Variants in NRTN observed in about 807,000 individuals in gnomAD.
NRTN encodes neurturin.
In NRTN, 3 loss-of-function variants were observed where a neutral mutation model predicts 7.5. The ratio of observed to expected loss-of-function variants is 0.40; its 90% CI spans 0.18 to 1.03. The LOEUF is 1.03. NRTN is among the 50% of genes least tolerant of loss of function. NRTN has a pLI of 0.34. For synonymous variants in NRTN, 157 were observed against 146.6 expected (o/e 1.07, Z -0.51); for missense variants, 310 against 307.0 (o/e 1.01, Z -0.07).
chr19:5,817,360 A>T (rs1457942588), intron 1 of NRTN, among the ~76,000 whole-genome samples: 1 of 148,412 alleles, frequency 6.7e-6, no homozygotes, highest in Non-Finnish European at 1.5e-5. Flanking sequence ...TCAAAGAAAG[A>T]GAGAGAGAGG....
chr19:5,815,522 C>A (rs113321396), intron 1 of NRTN, among the ~76,000 whole-genome samples: 6,820 of 150,030 alleles, frequency 0.045, 524 homozygotes, highest in African/African-American at 0.16. Context: ...ACCTCCACCC[C>A]TTGGGTTCAA....
chr19:5,812,495 CT>C (rs565406712), intron 1 of NRTN, among the ~76,000 whole-genome samples: 65 of 152,302 alleles, frequency 4.3e-4, no homozygotes, highest in African/African-American at 1.6e-3. Context: ...GAAGCCACCC[CT>C]AGGTTGGCCT....
At position 5,806,957 on chromosome 19, in the gene NRTN, T is replaced by G. The variant is rs1364385697; in HGVS notation, c.-399+1506T>G. Among the ~76,000 whole-genome samples, 1 of 152,170 alleles carries G rather than the reference T, an allele frequency of 6.6e-6. No individual in the cohort carries two copies. The highest frequency in any genetic ancestry group is 1.5e-5 in the Non-Finnish European group (1 of 68,026). The stretch of plus-strand genomic sequence containing the variant: ...CGTGGTTGACTGGTGTCAGGGTTGT[T>G]GGGTGCTGTCCTTCAAGGGAGGCAG... On this transcript the variant is annotated intron_variant, in intron 1 of 2. Coordinates refer to ENST00000303212, the MANE Select transcript of NRTN (RefSeq NM_004558.5). The surrounding 1 kb of genome is among the most constrained non-coding windows in gnomAD (Gnocchi z 5.4).
intron 2 of NRTN, among the ~76,000 whole-genome samples, chr19:5,827,402 G>C (rs1186351761): frequency 1.3e-5 from 2 of 152,140 alleles, no homozygotes; most frequent in African/African-American, 4.8e-5. Flanking sequence ...GAGGAGGTGA[G>C]TTAGAGACCC....
chr19:5,817,288 A>G (rs1317946134), intron 1 of NRTN, among the ~76,000 whole-genome samples: 1 of 151,252 alleles, frequency 6.6e-6, no homozygotes, highest in Non-Finnish European at 1.5e-5. Flanking sequence ...CAGGACTCAG[A>G]GGTTGCAGTG....
intron 1 of NRTN, among the ~76,000 whole-genome samples, chr19:5,819,852 G>A (rs10422361): frequency 0.65 from 97,638 of 150,984 alleles, 31,671 homozygotes; most frequent in South Asian, 0.72. Flanking sequence ...CCTGTCTCAA[G>A]AAAGAAAAAA....
rs576061328 is a variant in NRTN at position 5,811,571 on chromosome 19, C to T, written c.-399+6120C>T. On this transcript the variant is annotated intron_variant, in intron 1 of 2. Coordinates refer to ENST00000303212, the MANE Select transcript of NRTN (RefSeq NM_004558.5). ...TATTAGAGACGGAGTCTCGCCCTGT[C>T]GCCTAGGCTGGAGTGCACTGGCGCG... is the stretch of plus-strand genomic sequence containing the variant. Among the ~76,000 whole-genome samples the T allele has an allele frequency of 5.3e-5, 8 of 152,284 alleles. No individual in the cohort carries two copies. In the East Asian group the frequency reaches 7.7e-4, roughly 15 times the overall value.
At chr19:5,824,443 GC>G (rs2057038281) in intron 2 of NRTN, 109 bp downstream of exon 2, 1 of 1,366,474 alleles carries the variant, frequency 7.3e-7, no homozygotes, top group Non-Finnish European at 1.0e-6. Context: ...TAAAGATAGG[GC>G]CAGCCAGCCC....
intron 2 of NRTN, among the ~76,000 whole-genome samples, chr19:5,825,175 C>T (rs1374962933): frequency 1.3e-5 from 2 of 152,152 alleles, no homozygotes; most frequent in African/African-American, 2.4e-5. Context: ...GGCACAGACA[C>T]GGGCAAAAGT....
rs564561153 is a variant in NRTN at position 5,817,453 on chromosome 19, G to A, written c.-398-6315G>A. On this transcript the variant is annotated intron_variant, in intron 1 of 2. Coordinates refer to ENST00000303212, the MANE Select transcript of NRTN (RefSeq NM_004558.5). ...AAAGAGAGAAAGGAAGGAAGGAAGG[G>A]AAAGAGAGAAAGAGAGGAAGGAAGG... is the stretch of plus-strand genomic sequence containing the variant. Among the ~76,000 whole-genome samples the A allele has an allele frequency of 5.5e-3, 394 of 71,750 alleles. 4 individuals are homozygous for A. Among genetic ancestry groups the A allele is most frequent in the Non-Finnish European group, 6.3e-3 (238 of 37,794 alleles). 47.1% of individuals were successfully genotyped at this position (71,750 alleles called of 152,430 possible).
intron 1 of NRTN, among the ~76,000 whole-genome samples, chr19:5,823,435 A>G (rs2057033397): frequency 6.6e-6 from 1 of 152,046 alleles, no homozygotes; most frequent in Non-Finnish European, 1.5e-5. Context: ...AAAAAAGAAA[A>G]AGAGAAAGAA....
At chr19:5,817,469 GGAAGGAAGGAAGGGAAAGAGAGAGAGAA>G (rs2057008727) in intron 1 of NRTN, among the ~76,000 whole-genome samples, 1 of 111,110 alleles carries the variant, frequency 9.0e-6, no homozygotes, top group Non-Finnish European at 1.8e-5. Flanking sequence ...GAGAAAGAGA[GGAAGGAAGGAAGGGAAAGAGAGAGAGAA>G]AGGAAGGAAG....
chr19:5,819,082 G>T (rs2144762294), intron 1 of NRTN, among the ~76,000 whole-genome samples: 1 of 152,340 alleles, frequency 6.6e-6, no homozygotes, highest in South Asian at 2.1e-4. Context: ...TGGGCAAGCA[G>T]GGTGGAGGGG....
In NRTN at chr19:5,828,025, G is replaced by T. The variant is rs770154432; in HGVS notation, c.446G>T (p.Arg149Leu). ...TACGACCTCGGGCTGCGACGACTGC[G>T]CCAGCGGCGGCGCCTGCGGCGGGAG... ...RVYDLGLRRL[R>L]QRRRLRRERV... Residue 149 changes from arginine to leucine, a missense_variant, in exon 3 of 3, where the codon CGC (arginine) becomes CTC (leucine). Coordinates refer to ENST00000303212, the MANE Select transcript of NRTN (RefSeq NM_004558.5). 1.4e-6 allele frequency: 2 copies of T among 1,420,270 alleles called. No homozygotes were observed. 88.0% of individuals were successfully genotyped at this position (1,420,270 alleles called of 1,614,324 possible).
Position 5,811,143 on chromosome 19 carries a change from G to C in NRTN, c.-399+5692G>C, listed in dbSNP as rs561704895. On this transcript the variant is annotated intron_variant, in intron 1 of 2. Coordinates refer to ENST00000303212, the MANE Select transcript of NRTN (RefSeq NM_004558.5). The stretch of plus-strand genomic sequence containing the variant: ...AATCCCAGCTACTCAGGAGGCTGAG[G>C]CAGGAGAACCGCTTGAACCCCAGAG... 6.8e-4 allele frequency among the ~76,000 whole-genome samples: 104 copies of C among 152,126 alleles called. No individual in the cohort carries two copies. In the South Asian group the frequency reaches 0.022, roughly 32 times the overall value.
At position 5,805,410 on chromosome 19, in the gene NRTN, C is replaced by CTGGGG. The variant is rs1163963337; in HGVS notation, c.-440_-439insTGGGG. The stretch of plus-strand genomic sequence containing the variant: ...GCGGCGGCTGGGGCAGGGGCTGGGG[C>CTGGGG]CGCGCGGCCGCCACTGACGGGTAGT... On this transcript the variant is annotated 5_prime_UTR_variant, in exon 1 of 3. An upstream open reading frame in the 5' UTR loses its in-frame stop. Coordinates refer to ENST00000303212, the MANE Select transcript of NRTN (RefSeq NM_004558.5). Among the ~76,000 whole-genome samples, 2 of 72 alleles carry CTGGGG rather than the reference C, an allele frequency of 0.028. No homozygotes were observed. Among genetic ancestry groups the CTGGGG allele is most frequent in the Non-Finnish European group, 0.067 (2 of 30 alleles). 0.0% of individuals were successfully genotyped at this position (72 alleles called of 152,430 possible).
intron 1 of NRTN, among the ~76,000 whole-genome samples, chr19:5,808,824 C>T (rs968572669): frequency 2.7e-5 from 4 of 148,674 alleles, no homozygotes; most frequent in East Asian, 4.0e-4. Flanking sequence ...GGTGCGATCT[C>T]GGCTCACTGC....
At chr19:5,824,869 G>A (rs1284005768) in intron 2 of NRTN, among the ~76,000 whole-genome samples, 1 of 152,208 alleles carries the variant, frequency 6.6e-6, no homozygotes, top group African/African-American at 2.4e-5. Flanking sequence ...TGGAGCTAGG[G>A]TGACTTCTGG....
At chr19:5,809,744 T>C (rs1261983805) in intron 1 of NRTN, among the ~76,000 whole-genome samples, 6 of 151,976 alleles carry the variant, frequency 3.9e-5, no homozygotes, top group African/African-American at 1.4e-4. Context: ...ACTGGCTGGA[T>C]CTGCTCTGCT....
Sources: gnomAD v4.1 joint callset for allele counts (sites outside exome capture counted in the v4.1 genomes callset) on GRCh38, gnomAD v4.1.1 for gene constraint, Gnocchi (gnomAD v3.1) non-coding constraint, MANE v1.5 for transcripts, NCBI Gene and HGNC (gene_info 2026-07-23, HGNC 2026-07-21) for gene names.